The following PLXNB2 variants were observed in gnomAD, a reference collection of about 807,000 sequenced individuals.
The protein encoded by PLXNB2 is plexin B2.
A neutral mutation model predicts 202.6 loss-of-function variants in PLXNB2; 85 were observed. That is an observed-to-expected ratio of 0.42 (90% CI 0.35 to 0.50). The LOEUF (loss-of-function observed/expected upper bound fraction) is 0.50, where lower values mean the gene tolerates loss of function less well. PLXNB2 is among the 20% of genes least tolerant of loss of function. The probability of loss-of-function intolerance (pLI) is 0.02; values close to 1 mark genes in which losing one functional copy is unlikely to be tolerated. For missense variants in PLXNB2, 2,063 were observed against 2,586.2 expected, an observed-to-expected ratio of 0.80 and a Z score of 4.39; for synonymous variants, 1,239 against 1,137.6, an observed-to-expected ratio of 1.09 and a Z score of -1.79.
chr22:50,286,051 C>T lies in PLXNB2; in HGVS notation c.1925G>A (p.Arg642His), dbSNP rs767483052. Residue 642 changes from arginine to histidine, a missense_variant, in exon 10 of 37, where the codon CGC becomes CAC. Around this residue, in one of 2 missense-constraint regions of PLXNB2, gnomAD observed 1,303 missense variants for 1,476.8 expected, o/e 0.88. Transcript: ENST00000359337. Reference protein sequence around the residue: ...SNRWTCQWDLRYHECREASPN... With the variant: ...SNRWTCQWDLHYHECREASPN... ...CGAAGCCTCCCGGCACTCGTGGTAG[C>T]GCAGGTCCCACTGGCAGGTCCAGCG... 5.8e-5 allele frequency: 94 copies of T among 1,612,304 alleles called. No homozygotes were observed. The highest frequency in any genetic ancestry group is 1.5e-4 in the Admixed American group (9 of 60,008).
Position 50,290,285 on chromosome 22 carries a change from C to T in PLXNB2, c.300G>A (p.Leu100=). 1.2e-6 allele frequency: 2 copies of T among 1,611,880 alleles called. No individual in the cohort carries two copies. Among genetic ancestry groups the T allele is most frequent in the Non-Finnish European group, 1.7e-6 (2 of 1,180,012 alleles). ...GGCGCTTCCTGGGAGGGTCGAGCAG[C>T]AGCAGCTGGTTGACATTGTCAGTCA... ...AEMTDNVNQL[L]LLDPPRKRLV... The change falls in exon 3 of 37, where the codon CTG becomes CTA. Residue 100 remains leucine, a synonymous_variant. Coordinates refer to ENST00000359337, the MANE Select transcript of PLXNB2 (RefSeq NM_012401.4).
rs751710593 is a variant in PLXNB2, at chr22:50,284,157, G to C, written c.2238C>G (p.Gly746=). The change falls in exon 13 of 37, where the codon GGC becomes GGG. Residue 746 remains glycine (G), a synonymous_variant. Coordinates refer to ENST00000359337, the MANE Select transcript of PLXNB2 (RefSeq NM_012401.4). This position sits in a 1 kb window ranked among gnomAD's most constrained non-coding sequence, Gnocchi z 8.0. ...LPLHLYVKSY[G]KNIDSKLHVT... ...CATGGAGCTTGCTGTCGATATTCTT[G>C]CCGTAAGACTTGACGTAGAGGTGCA... 6.4e-7 allele frequency: 1 copy of C among 1,560,482 alleles called. No individual in the cohort carries two copies. Among genetic ancestry groups the C allele is most frequent in the South Asian group, 1.1e-5 (1 of 90,122 alleles).
intron 1 of PLXNB2, among the ~76,000 whole-genome samples, chr22:50,300,947 C>A (rs565378125): frequency 3.3e-5 from 5 of 152,306 alleles, no homozygotes; most frequent in South Asian, 4.1e-4. Flanking sequence ...CCCTCAGGCA[C>A]CCCCTGAGCT....
rs1422197062 is a variant in PLXNB2 at position 50,275,331 on chromosome 22, C to T, written c.*373G>A. ...CCCTGGGGGCCACAGGCCCTCAGAT[C>T]CCCCAGGGGCCCAACCTAGGGCATG... On this transcript the variant is annotated 3_prime_UTR_variant, in exon 37 of 37. Coordinates refer to ENST00000359337, the MANE Select transcript of PLXNB2 (RefSeq NM_012401.4). 6.6e-6 allele frequency: 3 copies of T among 451,848 alleles called. No homozygotes were observed. The highest frequency in any genetic ancestry group is 4.0e-5 in the African/African-American group (2 of 49,798). 28.0% of individuals were successfully genotyped at this position (451,848 alleles called of 1,614,324 possible). A position where few individuals can be genotyped will look rare whatever the true frequency, so the allele number is the denominator to read the frequency against.
At chr22:50,307,399 C>A (rs908787675) in intron 1 of PLXNB2, among the ~76,000 whole-genome samples, 154 bp downstream of exon 1, 5 of 151,094 alleles carry the variant, frequency 3.3e-5, no homozygotes, top group African/African-American at 1.2e-4. Context: ...GACCGACGGA[C>A]GGGGCCCAGG....
At position 50,283,893 on chromosome 22, in the gene PLXNB2, C is replaced by T. The variant is rs2066213329; in HGVS notation, c.2361G>A (p.Arg787=). The T allele has an allele frequency of 2.5e-6, 4 of 1,595,494 alleles. No individual in the cohort carries two copies. The highest frequency in any genetic ancestry group is 2.6e-6 in the Non-Finnish European group (3 of 1,171,770). Residue 787 remains arginine (R), a synonymous_variant, in exon 14 of 37, where the codon AGG becomes AGA. Transcript: ENST00000359337. ...TGTTGCACAGGGCCTCATACACGCA[C>T]CTGCTCTGGCCCCCGCACCACGCAC... ...YRCAWCGGQS[R]CVYEALCNTT...
Position 50,282,009 on chromosome 22 carries a change from G to A in PLXNB2, c.3190C>T (p.Pro1064Ser). ...AGCACCGTGAGGTTGTAGGCCTCTGGCTCCTCAGGCACAGCCGGGGACAGG... is the reference window on the plus strand; with the variant it reads ...AGCACCGTGAGGTTGTAGGCCTCTGACTCCTCAGGCACAGCCGGGGACAGG... ...VFLSPAVPEE[P>S]EAYNLTVLIE... Residue 1064 changes from proline (P) to serine (S), a missense_variant, in exon 20 of 37, where the codon CCA becomes TCA. Coordinates refer to ENST00000359337, the MANE Select transcript of PLXNB2 (RefSeq NM_012401.4). 1.9e-6 allele frequency: 3 copies of A among 1,612,882 alleles called. No individual in the cohort carries two copies. Among genetic ancestry groups the A allele is most frequent in the Non-Finnish European group, 2.5e-6 (3 of 1,179,936 alleles).
chr22:50,284,026 C>G lies in PLXNB2; in HGVS notation c.2264-36G>C. 1 of 1,524,448 alleles carries G rather than the reference C, an allele frequency of 6.6e-7. No homozygotes were observed. The highest frequency in any genetic ancestry group is 8.8e-7 in the Non-Finnish European group (1 of 1,139,324). The allele number at this position is 1,524,448 out of a possible 1,614,324, so 94.4% of individuals were successfully genotyped here. ...AGCTGCCGTCAGTGGTCACCCCGTG[C>G]CTGCCCGCCCCCGACCTGCTCCCCA... On this transcript the variant is annotated intron_variant, in intron 13 of 36. Coordinates refer to ENST00000359337, the MANE Select transcript of PLXNB2 (RefSeq NM_012401.4). This position sits in a 1 kb window ranked among gnomAD's most constrained non-coding sequence, Gnocchi z 8.0.
intron 2 of PLXNB2, among the ~76,000 whole-genome samples, chr22:50,292,169 C>G (rs981375944): frequency 1.1e-4 from 17 of 152,004 alleles, no homozygotes; most frequent in African/African-American, 3.9e-4. Context: ...AACCCCGTCT[C>G]TACTAAAAAC....
Position 50,284,145 on chromosome 22 carries a change from G to C in PLXNB2, c.2250C>G (p.Asp750Glu), listed in dbSNP as rs1214386254. The change falls in exon 13 of 37, where the codon GAC becomes GAG. Residue 750 changes from aspartate to glutamate, a missense_variant. Physicochemically the swap from Asp to Glu is conservative, Grantham distance 45 (BLOSUM62 2). Around this residue, in one of 2 missense-constraint regions of PLXNB2, gnomAD observed 1,303 missense variants for 1,476.8 expected, o/e 0.88. Transcript: ENST00000359337. The surrounding 1 kb of genome is among the most constrained non-coding windows in gnomAD (Gnocchi z 8.0). ...CGTGGCCCCCACCATGGAGCTTGCT[G>C]TCGATATTCTTGCCGTAAGACTTGA... Reference protein sequence around the residue: ...LYVKSYGKNIDSKLHVTLYNC... With the variant: ...LYVKSYGKNIESKLHVTLYNC... The C allele has an allele frequency of 6.2e-7, 1 of 1,611,796 alleles. No homozygotes were observed. The highest frequency in any genetic ancestry group is 8.5e-7 in the Non-Finnish European group (1 of 1,179,582).
chr22:50,275,853 C>G (rs771653017), intron 36 of PLXNB2, 36 bp downstream of exon 36: 1 of 1,608,186 alleles, frequency 6.2e-7, no homozygotes, highest in Non-Finnish European at 8.5e-7. Context: ...CCGCCCAGCA[C>G]CCCACCTGCC....
chr22:50,301,142 TC>T (rs763586081), intron 1 of PLXNB2, among the ~76,000 whole-genome samples: 3 of 152,152 alleles, frequency 2.0e-5, no homozygotes, highest in Non-Finnish European at 2.9e-5. Flanking sequence ...AGGATGGTCC[TC>T]CCCAGCCCTC....
rs1370982481 is a variant in PLXNB2 at position 50,290,547 on chromosome 22, A to G, written c.38T>C (p.Leu13Pro). 4 of 1,611,540 alleles carry G rather than the reference A, an allele frequency of 2.5e-6. No individual in the cohort carries two copies. The highest frequency in any genetic ancestry group is 2.2e-5 in the East Asian group (1 of 44,854). ...CCTCAGGCTGGCACCTGCGCCCAGC[A>G]GGCCCAGCAGGGTCAGGGCCCAGAG... ...LQLWALTLLG[L>P]LGAGASLRPR... The change falls in exon 3 of 37, where the codon CTG (leucine) becomes CCG (proline). Residue 13 changes from leucine (L) to proline (P), a missense_variant. Coordinates refer to ENST00000359337, the MANE Select transcript of PLXNB2 (RefSeq NM_012401.4).
In PLXNB2 at chr22:50,297,054, G is replaced by A. The variant is rs2067329094; in HGVS notation, c.-73-2276C>T. 6.6e-6 allele frequency among the ~76,000 whole-genome samples: 1 copy of A among 152,186 alleles called. No individual in the cohort carries two copies. The highest frequency in any genetic ancestry group is 2.1e-4 in the South Asian group (1 of 4,828). On this transcript the variant is annotated intron_variant, in intron 1 of 36. Coordinates refer to ENST00000359337, the MANE Select transcript of PLXNB2 (RefSeq NM_012401.4). This position sits in a 1 kb window ranked among gnomAD's most constrained non-coding sequence, Gnocchi z 5.3. ...ACCTTTGTGAAAAGGGCAAAAGGCTGCTCCTCTGGCAAACTCAGGAGCCAA... is the reference window on the plus strand; with the variant it reads ...ACCTTTGTGAAAAGGGCAAAAGGCTACTCCTCTGGCAAACTCAGGAGCCAA...
At chr22:50,304,914 G>A (rs555375633) in intron 1 of PLXNB2, among the ~76,000 whole-genome samples, 1 of 152,318 alleles carries the variant, frequency 6.6e-6, no homozygotes, top group South Asian at 2.1e-4. Context: ...TCCCCAAACC[G>A]TGTCCAAGGC....
At chr22:50,296,596 A>C (rs1272150481) in intron 1 of PLXNB2, among the ~76,000 whole-genome samples, 3 of 149,664 alleles carry the variant, frequency 2.0e-5, no homozygotes, top group African/African-American at 7.4e-5. Flanking sequence ...GTCTCAAAAA[A>C]AAAAAAAAAA....
intron 35 of PLXNB2, among the ~76,000 whole-genome samples, 199 bp downstream of exon 35, chr22:50,276,430 T>TGGGTGGAGCCACAGGGAGGG (rs1601667928): frequency 5.7e-4 from 2 of 3,520 alleles, no homozygotes; most frequent in Non-Finnish European, 7.0e-4. Context: ...GGGCAGGGCC[T>TGGGTGGAGCCACAGGGAGGG]GGCTCCAAGC....
chr22:50,277,474 A>T (rs1044797587), intron 33 of PLXNB2, 117 bp downstream of exon 33: 1 of 1,079,734 alleles, frequency 9.3e-7, no homozygotes, highest in Non-Finnish European at 1.3e-6. Flanking sequence ...CTCCTACATC[A>T]AGGGCTCCAG....
chr22:50,294,837 C>G (rs907258105), intron 1 of PLXNB2, 59 bp from the exon 2 acceptor site: 2 of 847,708 alleles, frequency 2.4e-6, no homozygotes, highest in African/African-American at 3.6e-5. Context: ...GTGGAGCCCC[C>G]CACCTCTGTC....
Sources: allele counts gnomAD v4.1 joint callset (sites outside exome capture counted in the v4.1 genomes callset), GRCh38; gene constraint gnomAD v4.1.1; regional missense constraint gnomAD v4.1.1; non-coding constraint Gnocchi (gnomAD v3.1); transcripts MANE v1.5; gene names NCBI Gene and HGNC (gene_info 2026-07-23, HGNC 2026-07-21).